Variants in SNTG1 observed in about 807,000 individuals in gnomAD.
SNTG1 encodes the protein syntrophin gamma 1.
In SNTG1, 39 loss-of-function variants were observed where a neutral mutation model predicts 74.7. That is an observed-to-expected ratio of 0.52 (90% confidence interval 0.40 to 0.68). The LOEUF is 0.68. Among genes scored for constraint, SNTG1 ranks in the 30% least tolerant of loss-of-function variants. The pLI is 0.00. For synonymous variants in SNTG1, 254 were observed against 217.1 expected, an observed-to-expected ratio of 1.17 and a Z score of -1.49; for missense variants, 685 against 609.5, an observed-to-expected ratio of 1.12 and a Z score of -1.30.
At chr8:49,999,265 A>C (rs1032715970) in intron 1 of SNTG1, among the ~76,000 whole-genome samples, 2 of 152,146 alleles carry the variant, frequency 1.3e-5, no homozygotes, top group Non-Finnish European at 1.5e-5. Context: ...TGCTGAAGTC[A>C]AAATTTTTCT....
chr8:50,467,114 A>G (rs1193729012), intron 8 of SNTG1, among the ~76,000 whole-genome samples: 1 of 151,876 alleles, frequency 6.6e-6, no homozygotes, highest in Non-Finnish European at 1.5e-5. Flanking sequence ...CATGAGAAAT[A>G]TTGCTCTTAA....
chr8:50,252,826 T>G (rs866182001), intron 2 of SNTG1, among the ~76,000 whole-genome samples: 7 of 152,164 alleles, frequency 4.6e-5, no homozygotes, highest in African/African-American at 1.7e-4. Flanking sequence ...GACAGTCACA[T>G]TTCAACATGA....
chr8:50,687,156 A>T (rs11776370), intron 15 of SNTG1, among the ~76,000 whole-genome samples: 81,866 of 146,116 alleles, frequency 0.56, 25,304 homozygotes, highest in East Asian at 0.68. Flanking sequence ...AAAAAAAATA[A>T]AATAAACATG....
intron 1 of SNTG1, among the ~76,000 whole-genome samples, chr8:50,036,146 T>G (rs1419613281): frequency 6.6e-6 from 1 of 152,200 alleles, no homozygotes; most frequent in Non-Finnish European, 1.5e-5. Context: ...TTCATGTGAA[T>G]GCACAAGAAT....
intron 17 of SNTG1, among the ~76,000 whole-genome samples, chr8:50,714,816 C>A (rs1021987637): frequency 6.6e-6 from 1 of 151,894 alleles, no homozygotes; most frequent in African/African-American, 2.4e-5. Flanking sequence ...GTGGAAAGAC[C>A]ATTCTAGCTG....
chr8:50,656,881 C>T (rs374573732), intron 13 of SNTG1, 28 bp from the exon 14 acceptor site: 148 of 1,421,478 alleles, frequency 1.0e-4, no homozygotes, highest in Non-Finnish European at 1.4e-4. Context: ...GAAGTTTTGA[C>T]AGTTGATTGT....
intron 1 of SNTG1, among the ~76,000 whole-genome samples, chr8:49,919,306 C>A (rs1164188641): frequency 1.3e-5 from 2 of 152,104 alleles, no homozygotes; most frequent in African/African-American, 4.8e-5. Context: ...CAAAACCACA[C>A]TGATTGAGGG....
chr8:49,993,190 C>T (rs2130340856), intron 1 of SNTG1, among the ~76,000 whole-genome samples: 1 of 152,192 alleles, frequency 6.6e-6, no homozygotes, highest in Admixed American at 6.5e-5. Flanking sequence ...TTTCCCACCA[C>T]ATGCATGGGA....
Position 50,264,979 on chromosome 8 carries a change from C to T in SNTG1, c.-28+92344C>T, listed in dbSNP as rs115420994. Among the ~76,000 whole-genome samples, 423 of 151,956 alleles carry T rather than the reference C, an allele frequency of 2.8e-3. 4 individuals are homozygous for T. Among genetic ancestry groups the T allele is most frequent in the African/African-American group, 9.5e-3 (392 of 41,454 alleles). ...ACCTATAAATAATAAAGAGTTGAAC[C>T]AATAATTTTAAAAACTTCTTCCAAG... On this transcript the variant is annotated intron_variant, in intron 2 of 18. Transcript: ENST00000642720.
chr8:50,659,138 G>C (rs200883620), intron 15 of SNTG1, among the ~76,000 whole-genome samples: 1 of 152,128 alleles, frequency 6.6e-6, no homozygotes, highest in Non-Finnish European at 1.5e-5. Context: ...CTCATGGCTT[G>C]ACCATCTTTT....
At chr8:50,517,082 C>T (rs2094139519) in intron 9 of SNTG1, among the ~76,000 whole-genome samples, 1 of 152,206 alleles carries the variant, frequency 6.6e-6, no homozygotes, top group Non-Finnish European at 1.5e-5. Flanking sequence ...GCCCATCAGA[C>T]TAACAGCAGA....
chr8:50,648,165 T>C (rs1479055410), intron 13 of SNTG1, among the ~76,000 whole-genome samples: 1 of 152,112 alleles, frequency 6.6e-6, no homozygotes, highest in East Asian at 1.9e-4. Context: ...GATCTGATAA[T>C]CCCATTTTTA....
rs199601102 is a variant in SNTG1 at position 50,421,049 on chromosome 8, GGGA to G, written c.163-17491_163-17489del. On this transcript the variant is annotated intron_variant, in intron 4 of 18. Coordinates refer to ENST00000642720, the MANE Select transcript of SNTG1 (RefSeq NM_018967.5). Reference sequence around the variant, plus strand: ...AAAAAAAAAAAAAGGCGGTGGGCGGGGGAGGGGGGGGCGAAGATAAAGGGACAT... The same window carrying G: ...AAAAAAAAAAAAAGGCGGTGGGCGGGGGGGGGGGCGAAGATAAAGGGACAT... Among the ~76,000 whole-genome samples the G allele has an allele frequency of 3.5e-3, 400 of 113,352 alleles. 46 individuals carry two copies. The highest frequency in any genetic ancestry group is 7.1e-3 in the African/African-American group (226 of 31,708). The allele number at this position is 113,352 out of a possible 152,430, so 74.4% of individuals were successfully genotyped here. A position where few individuals can be genotyped will look rare whatever the true frequency, so the allele number is the denominator to read the frequency against.
intron 1 of SNTG1, among the ~76,000 whole-genome samples, chr8:49,981,957 AT>A (rs1335157310): frequency 6.6e-6 from 1 of 152,124 alleles, no homozygotes; most frequent in Non-Finnish European, 1.5e-5. Flanking sequence ...TGTGAATATT[AT>A]TAATTTTTTA....
intron 1 of SNTG1, among the ~76,000 whole-genome samples, chr8:50,104,268 C>A (rs2080273863): frequency 6.6e-6 from 1 of 152,156 alleles, no homozygotes; most frequent in South Asian, 2.1e-4. Flanking sequence ...AGAGATTCAA[C>A]TTCTTCCTGG....
At chr8:50,051,068 C>G (rs546844263) in intron 1 of SNTG1, among the ~76,000 whole-genome samples, 79 of 152,028 alleles carry the variant, frequency 5.2e-4, no homozygotes, top group African/African-American at 1.7e-3. Context: ...AATACTTTCC[C>G]CCTAAGACTG....
intron 13 of SNTG1, among the ~76,000 whole-genome samples, chr8:50,617,466 T>G: frequency 6.6e-6 from 1 of 151,864 alleles, no homozygotes; most frequent in East Asian, 1.9e-4. Context: ...CTGGGAAAGC[T>G]AAGCTGAGCT....
intron 15 of SNTG1, among the ~76,000 whole-genome samples, chr8:50,689,045 T>C (rs1283643114): frequency 1.4e-5 from 2 of 147,550 alleles, no homozygotes; most frequent in Non-Finnish European, 3.0e-5. Flanking sequence ...CACTTATGAT[T>C]TGGCTCTCTG....
At chr8:50,496,065 C>T (rs1238925624) in intron 8 of SNTG1, among the ~76,000 whole-genome samples, 1 of 152,162 alleles carries the variant, frequency 6.6e-6, no homozygotes, top group Non-Finnish European at 1.5e-5. Context: ...GTTATAGTTT[C>T]TAGATTAGCC....
Sources: allele counts gnomAD v4.1 joint callset (sites outside exome capture counted in the v4.1 genomes callset), GRCh38; gene constraint gnomAD v4.1.1; transcripts MANE v1.5; gene names NCBI Gene and HGNC (gene_info 2026-07-23, HGNC 2026-07-21).